The following SMG6 variants were observed in gnomAD, a reference collection of about 807,000 sequenced individuals.
SMG6 encodes telomerase-binding protein EST1A.
Under a neutral mutation model 142.2 loss-of-function variants are expected in SMG6, and 66 were observed. The observed-to-expected ratio is 0.46, with a 90% CI of 0.38 to 0.57. The LOEUF (loss-of-function observed/expected upper bound fraction) is 0.57. Ranked by LOEUF, SMG6 falls within the 20% of genes least tolerant of loss-of-function variation. The probability of loss-of-function intolerance (pLI) is 0.00; values close to 1 mark genes in which losing one functional copy is unlikely to be tolerated. For missense variants in SMG6, 1,793 were observed against 1,832.0 expected (o/e 0.98, Z 0.39); for synonymous variants, 779 against 702.4 (o/e 1.11, Z -1.72).
In SMG6 at chr17:2,071,739, GC is replaced by G. The variant is rs1040903323; in HGVS notation, c.3682-2809del. Among the ~76,000 whole-genome samples the G allele has an allele frequency of 1.1e-4, 9 of 84,300 alleles. No homozygotes were observed. Among genetic ancestry groups the G allele is most frequent in the African/African-American group, 5.0e-4 (8 of 15,986 alleles). The allele number at this position is 84,300 out of a possible 152,430, so 55.3% of individuals were successfully genotyped here. On this transcript the variant is annotated intron_variant, in intron 15 of 18. Transcript: ENST00000263073. The surrounding 1 kb of genome is among the most constrained non-coding windows in gnomAD (Gnocchi z 5.6). ...TCCTGGGGTACCGGTGGGCCTCTGG[GC>G]GGGGGGGGTCACACCTGGGTCACAA...
intron 13 of SMG6, among the ~76,000 whole-genome samples, chr17:2,133,657 C>G (rs1490956421): frequency 6.6e-6 from 1 of 152,176 alleles, no homozygotes; most frequent in Non-Finnish European, 1.5e-5. Flanking sequence ...CCTGCTTCAG[C>G]CTCTAGAGTA....
intron 10 of SMG6, chr17:2,214,491 G>C (rs1458283427): frequency 6.6e-6 from 1 of 152,180 alleles, no homozygotes; most frequent in Admixed American, 6.6e-5. Flanking sequence ...TCTCTTCCCA[G>C]AACACTGATG....
chr17:2,261,588 G>A (rs1379887849), intron 8 of SMG6, among the ~76,000 whole-genome samples: 1 of 152,158 alleles, frequency 6.6e-6, no homozygotes, highest in Non-Finnish European at 1.5e-5. Flanking sequence ...TTCTAACTCT[G>A]AGGTGGTAGA....
At chr17:2,075,959 G>A (rs1189809836) in intron 15 of SMG6, among the ~76,000 whole-genome samples, 3 of 152,158 alleles carry the variant, frequency 2.0e-5, no homozygotes, top group Admixed American at 2.0e-4. Context: ...TCTGTGCAAC[G>A]CCGGAAGCAG....
intron 8 of SMG6, among the ~76,000 whole-genome samples, chr17:2,260,018 T>G (rs890082676): frequency 1.3e-5 from 2 of 152,216 alleles, no homozygotes; most frequent in African/African-American, 4.8e-5. Context: ...GGAAGGATTC[T>G]GGCGCATCAA....
At chr17:2,303,596 G>A in intron 1 of SMG6, 37 bp downstream of exon 1, 2 of 1,393,584 alleles carry the variant, frequency 1.4e-6, no homozygotes, top group Non-Finnish European at 9.3e-7. Context: ...AGGCGGGGCG[G>A]GCAGGCCCGG....
rs776096478 is a variant in SMG6, at chr17:2,299,843, A to C, written c.910T>G (p.Leu304Val). Residue 304 changes from leucine to valine, a missense_variant, in exon 2 of 19, where the codon TTA becomes GTA. Leu to Val is a conservative substitution (Grantham distance 32). This residue lies in a region of SMG6 where 1,597 missense variants were observed against 1,584.6 expected (regional missense o/e 1.01). Coordinates refer to ENST00000263073, the MANE Select transcript of SMG6 (RefSeq NM_017575.5). This position sits in a 1 kb window ranked among gnomAD's most constrained non-coding sequence, Gnocchi z 4.3. ...GGCTCATCAATTCTGTCCTCGTCTA[A>C]GGAATCGGTTGAGGACACAGACACT... ...KQVSVSSTDS[L>V]DEDRIDEPDG... is the part of the protein sequence containing the mutation. The C allele has an allele frequency of 1.9e-6, 3 of 1,614,122 alleles. No individual in the cohort carries two copies. Among genetic ancestry groups the C allele is most frequent in the Non-Finnish European group, 2.5e-6 (3 of 1,179,996 alleles).
intron 1 of SMG6, chr17:2,302,998 T>TTAGAATCTTTCTTAC: frequency 1.0e-6 from 1 of 985,468 alleles, no homozygotes; most frequent in Non-Finnish European, 1.2e-6. Flanking sequence ...GGTGAGACAC[T>TTAGAATCTTTCTTAC]TAGAATCTTT....
intron 10 of SMG6, among the ~76,000 whole-genome samples, chr17:2,193,670 T>C (rs1341907191): frequency 6.6e-6 from 1 of 152,156 alleles, no homozygotes; most frequent in Non-Finnish European, 1.5e-5. Flanking sequence ...GAGAAGAAGA[T>C]AATCTAATAA....
intron 10 of SMG6, among the ~76,000 whole-genome samples, chr17:2,222,432 G>T (rs1376484725): frequency 6.6e-6 from 1 of 151,574 alleles, no homozygotes; most frequent in Non-Finnish European, 1.5e-5. Flanking sequence ...AGGGCCAAAG[G>T]TGGGAGAGTC....
chr17:2,067,980 GC>G (rs1417662078), intron 16 of SMG6, among the ~76,000 whole-genome samples: 1 of 152,152 alleles, frequency 6.6e-6, no homozygotes, highest in Non-Finnish European at 1.5e-5. Context: ...ATGTGCAAAC[GC>G]CTGGGCCTCC....
chr17:2,097,934 C>A (rs1483758615), intron 13 of SMG6, among the ~76,000 whole-genome samples: 1 of 152,132 alleles, frequency 6.6e-6, no homozygotes, highest in Non-Finnish European at 1.5e-5. Context: ...GACTTAACAG[C>A]ATTACTGTTG....
At chr17:2,222,107 T>C (rs553787521) in intron 10 of SMG6, among the ~76,000 whole-genome samples, 243 of 152,312 alleles carry the variant, frequency 1.6e-3, no homozygotes, top group African/African-American at 5.7e-3. Context: ...AGGGACTGTT[T>C]TAGATGTTCA....
chr17:2,208,482 G>A (rs1002384307), intron 10 of SMG6, among the ~76,000 whole-genome samples: 1 of 152,186 alleles, frequency 6.6e-6, no homozygotes, highest in African/African-American at 2.4e-5. Context: ...CCACAGCGCA[G>A]ACCCCACCAA....
chr17:2,281,173 T>C (rs946760322), intron 8 of SMG6, among the ~76,000 whole-genome samples: 3 of 152,180 alleles, frequency 2.0e-5, no homozygotes, highest in African/African-American at 4.8e-5. Flanking sequence ...AGGGTCTTGC[T>C]CTGGCACCTA....
intron 10 of SMG6, among the ~76,000 whole-genome samples, chr17:2,213,140 G>C (rs1402987211): frequency 6.6e-6 from 1 of 152,182 alleles, no homozygotes; most frequent in Non-Finnish European, 1.5e-5. Flanking sequence ...CTAAACCATA[G>C]GATCTTTTTT....
At chr17:2,268,372 G>A (rs916712559) in intron 8 of SMG6, among the ~76,000 whole-genome samples, 1 of 152,190 alleles carries the variant, frequency 6.6e-6, no homozygotes, top group Admixed American at 6.5e-5. Flanking sequence ...TGCGGGGAGG[G>A]TGGAGGAATT....
chr17:2,284,953 C>G (rs907610025), intron 6 of SMG6, among the ~76,000 whole-genome samples: 2 of 152,038 alleles, frequency 1.3e-5, no homozygotes, highest in African/African-American at 4.8e-5. Flanking sequence ...TATATTAATT[C>G]TATAAAATAT....
At chr17:2,241,100 T>G (rs942005691) in intron 9 of SMG6, among the ~76,000 whole-genome samples, 1 of 152,182 alleles carries the variant, frequency 6.6e-6, no homozygotes, top group African/African-American at 2.4e-5. Flanking sequence ...GGGAGTGTAG[T>G]GCCTAGAATC....
Sources: gnomAD v4.1 joint callset for allele counts (sites outside exome capture counted in the v4.1 genomes callset) on GRCh38, gnomAD v4.1.1 for gene constraint, gnomAD v4.1.1 regional missense constraint, Gnocchi (gnomAD v3.1) non-coding constraint, MANE v1.5 for transcripts, NCBI Gene and HGNC (gene_info 2026-07-23, HGNC 2026-07-21) for gene names.